PCDH11X: variants seen among roughly 807,000 people sequenced by gnomAD.
The protein encoded by PCDH11X is protocadherin 11 X-linked, also known as protocadherin-11 X-linked.
A neutral mutation model predicts 53.3 loss-of-function variants in PCDH11X; 18 were observed. The observed-to-expected ratio is 0.34, with a 90% confidence interval of 0.23 to 0.50. The LOEUF (loss-of-function observed/expected upper bound fraction) is 0.50. Among genes scored for constraint, PCDH11X ranks in the 20% least tolerant of loss-of-function variants. The pLI is 0.98. For synonymous variants in PCDH11X, 279 were observed against 393.3 expected (o/e 0.71, Z 3.44); for missense variants, 570 against 1,032.4 (o/e 0.55, Z 6.14).
intron 6 of PCDH11X, among the ~76,000 whole-genome samples, chrX:92,144,639 T>C (rs181614022): frequency 2.1e-4 from 23 of 111,392 alleles, no homozygotes; most frequent in African/African-American, 6.2e-4. Context: ...TATCACCCAA[T>C]ACTTAACTTT....
intron 8 of PCDH11X, among the ~76,000 whole-genome samples, chrX:92,351,651 T>G (rs1184002727): frequency 2.7e-5 from 3 of 111,829 alleles, no homozygotes; most frequent in Non-Finnish European, 5.6e-5. Flanking sequence ...TGCATGTTTA[T>G]TTACTGCAAG....
At chrX:92,406,177 G>T (rs2071509978) in intron 9 of PCDH11X, among the ~76,000 whole-genome samples, 1 of 106,970 alleles carries the variant, frequency 9.3e-6, no homozygotes, top group African/African-American at 3.4e-5. Context: ...TATGCATATA[G>T]ATGATTTTAA....
chrX:92,358,520 T>C (rs1435349650), intron 8 of PCDH11X, among the ~76,000 whole-genome samples: 22 of 52,310 alleles, frequency 4.2e-4, no homozygotes, highest in African/African-American at 1.6e-3. Flanking sequence ...TGGTAAGTTT[T>C]TTGATTTTTT....
intron 6 of PCDH11X, among the ~76,000 whole-genome samples, chrX:92,095,480 C>A (rs1202816300): frequency 7.2e-5 from 8 of 110,556 alleles, no homozygotes; most frequent in Non-Finnish European, 9.5e-5. Flanking sequence ...ATGGCACATC[C>A]CAAAGGAAGG....
chrX:92,183,761 C>T (rs1456330883), intron 6 of PCDH11X, among the ~76,000 whole-genome samples: 2 of 112,059 alleles, frequency 1.8e-5, no homozygotes, highest in African/African-American at 3.2e-5. Flanking sequence ...AGACACACCA[C>T]GTACAGCAAA....
intron 6 of PCDH11X, among the ~76,000 whole-genome samples, chrX:91,911,586 T>C (rs1941369210): frequency 9.1e-6 from 1 of 109,306 alleles, no homozygotes; most frequent in African/African-American, 3.3e-5. Context: ...TTTGTGTCCA[T>C]TAATCATCCC....
rs752484525 is a variant in PCDH11X, at chrX:91,878,483, G to A, written c.2243G>A (p.Arg748Lys). The A allele has an allele frequency of 8.3e-6, 10 of 1,206,238 alleles. No homozygotes were observed. The highest frequency in any genetic ancestry group is 1.8e-5 in the South Asian group (1 of 56,529). ...KCDVTDLGLHRVLVKANDLGQ... is the reference protein window; with the variant it reads ...KCDVTDLGLHKVLVKANDLGQ... The stretch of plus-strand genomic sequence containing the variant: ...GATGTTACAGACCTTGGTTTACACA[G>A]AGTGTTGGTCAAAGCTAATGACTTA... The change falls in exon 6 of 11, where the codon AGA becomes AAA. Residue 748 changes from arginine to lysine, a missense_variant. Physicochemically the swap from Arg to Lys is conservative, Grantham distance 26. This residue lies in a region of PCDH11X where 226 missense variants were observed against 457.5 expected (regional missense o/e 0.49). Transcript: ENST00000682573.
At chrX:92,138,754 A>G (rs1438657682) in intron 6 of PCDH11X, among the ~76,000 whole-genome samples, 2 of 111,128 alleles carry the variant, frequency 1.8e-5, no homozygotes, top group African/African-American at 6.5e-5. Context: ...TTATATTGAG[A>G]TCCAAATATT....
intron 6 of PCDH11X, among the ~76,000 whole-genome samples, chrX:92,065,981 C>T (rs1168864123): frequency 8.9e-6 from 1 of 111,776 alleles, no homozygotes; most frequent in African/African-American, 3.3e-5. Context: ...GTAGTACTTT[C>T]ATAGTCTTAG....
intron 6 of PCDH11X, among the ~76,000 whole-genome samples, chrX:92,116,807 T>C (rs1235943328): frequency 4.5e-5 from 5 of 110,781 alleles, no homozygotes; most frequent in Admixed American, 3.9e-4. Context: ...AGGCTGGTCT[T>C]GAACTCCTGG....
intron 6 of PCDH11X, among the ~76,000 whole-genome samples, chrX:92,018,318 C>G (rs1217543021): frequency 5.4e-5 from 6 of 111,505 alleles, no homozygotes; most frequent in Admixed American, 3.8e-4. Flanking sequence ...GTTATAAGAA[C>G]AAAAAATCAA....
intron 6 of PCDH11X, among the ~76,000 whole-genome samples, chrX:91,899,263 G>GA (rs1324721791): frequency 4.5e-5 from 5 of 110,657 alleles, no homozygotes; most frequent in Non-Finnish European, 9.5e-5. Context: ...CTTGAAGTCC[G>GA]ATGTTTGAGG....
At chrX:92,609,531 A>T (rs1041735057) in intron 10 of PCDH11X, among the ~76,000 whole-genome samples, 5 of 111,760 alleles carry the variant, frequency 4.5e-5, no homozygotes, top group Non-Finnish European at 9.4e-5. Context: ...TGCTTATCTG[A>T]CATATTCATG....
intron 6 of PCDH11X, among the ~76,000 whole-genome samples, chrX:92,080,375 G>T (rs755988939): frequency 3.6e-5 from 4 of 111,037 alleles, no homozygotes; most frequent in Non-Finnish European, 7.5e-5. Flanking sequence ...ATCATAAGTT[G>T]ATAATTGTTG....
chrX:92,127,769 C>A (rs1404161685), intron 6 of PCDH11X, among the ~76,000 whole-genome samples: 1 of 110,772 alleles, frequency 9.0e-6, no homozygotes, highest in African/African-American at 3.3e-5. Flanking sequence ...GATCTGCCCA[C>A]CTCAGCCTCC....
At chrX:92,230,354 T>C (rs1217473349) in intron 7 of PCDH11X, among the ~76,000 whole-genome samples, 4 of 99,651 alleles carry the variant, frequency 4.0e-5, no homozygotes, top group African/African-American at 1.5e-4. Context: ...GATTGTTTTC[T>C]CATTGTTTTA....
Position 92,370,649 on chromosome X carries a change from G to A in PCDH11X, c.3145-17086G>A, listed in dbSNP as rs182701332. 2.0e-4 allele frequency among the ~76,000 whole-genome samples: 22 copies of A among 109,851 alleles called. No homozygotes were observed. The East Asian group carries it at 5.5e-3, about 27-fold the overall frequency. On this transcript the variant is annotated intron_variant, in intron 8 of 10. Transcript: ENST00000682573. ...TAATTTTTGTATTTTTAGTAGAGACGGGGTTTCACTATGTTGGTCAGGCTG... is the reference window on the plus strand; with the variant it reads ...TAATTTTTGTATTTTTAGTAGAGACAGGGTTTCACTATGTTGGTCAGGCTG...
intron 8 of PCDH11X, among the ~76,000 whole-genome samples, chrX:92,381,372 A>G (rs992666437): frequency 1.1e-4 from 12 of 111,427 alleles, no homozygotes; most frequent in Non-Finnish European, 1.5e-4. Flanking sequence ...TGAAACAAAC[A>G]TGTTTCATAT....
intron 10 of PCDH11X, among the ~76,000 whole-genome samples, chrX:92,584,810 T>TTTTTTG: frequency 9.9e-6 from 1 of 101,463 alleles, no homozygotes; most frequent in Non-Finnish European, 2.0e-5. Flanking sequence ...TTTTTTTTTT[T>TTTTTTG]GAGACGGAAT....
Sources: allele counts gnomAD v4.1 joint callset (sites outside exome capture counted in the v4.1 genomes callset), GRCh38; gene constraint gnomAD v4.1.1; regional missense constraint gnomAD v4.1.1; transcripts MANE v1.5; gene names NCBI Gene and HGNC (gene_info 2026-07-23, HGNC 2026-07-21).